COL9A2: variants seen among roughly 807,000 people sequenced by gnomAD.
COL9A2 encodes collagen type IX alpha 2 chain, also known as collagen alpha-2(IX) chain.
In COL9A2, 66 loss-of-function variants were observed where a neutral mutation model predicts 111.6. The ratio of observed to expected loss-of-function variants is 0.59; its 90% CI spans 0.48 to 0.73. The LOEUF (loss-of-function observed/expected upper bound fraction) is 0.73. COL9A2 is among the 30% of genes least tolerant of loss of function. The probability of loss-of-function intolerance (pLI) is 0.00; values close to 1 mark genes in which losing one functional copy is unlikely to be tolerated. For missense variants in COL9A2, 881 were observed against 954.1 expected (o/e 0.92, Z 1.01); for synonymous variants, 353 against 364.1 (o/e 0.97, Z 0.35).
rs1644040900 is a variant in COL9A2 at position 40,307,043 on chromosome 1, C to T, written c.1008+403G>A. Among the ~76,000 whole-genome samples the T allele has an allele frequency of 1.3e-5, 2 of 152,078 alleles. No individual in the cohort carries two copies. Among genetic ancestry groups the T allele is most frequent in the Non-Finnish European group, 2.9e-5 (2 of 68,016 alleles). ...TATTTTTAGTAGAGACGGGGTGTCA[C>T]CACATTGGCCAGGCTGGTTTTGAAC... is the stretch of plus-strand genomic sequence containing the variant. On this transcript the variant is annotated intron_variant, in intron 19 of 31. Coordinates refer to ENST00000372748, the MANE Select transcript of COL9A2 (RefSeq NM_001852.4). The surrounding 1 kb of genome is among the most constrained non-coding windows in gnomAD (Gnocchi z 4.8).
chr1:40,306,173 C>T lies in COL9A2; in HGVS notation c.1023G>A (p.Gln341=), dbSNP rs781695990. The T allele has an allele frequency of 2.4e-5, 38 of 1,614,240 alleles. No individual in the cohort carries two copies. Among genetic ancestry groups the T allele is most frequent in the Non-Finnish European group, 3.1e-5 (36 of 1,180,048 alleles). Residue 341 remains glutamine (Q), a synonymous_variant, in exon 20 of 32, where the codon CAG becomes CAA. Coordinates refer to ENST00000372748, the MANE Select transcript of COL9A2 (RefSeq NM_001852.4). The stretch of plus-strand genomic sequence containing the variant: ...CTCCAGGGCCTCCTTTTGTCCCAGG[C>T]TGGCCTGGCACACCCTGCAGAAAGA... The part of the protein sequence containing the change: ...GHQGLAGVPG[Q]PGTKGGPGDQ...
Position 40,304,078 on chromosome 1 carries a change from GC to G in COL9A2, c.1308del (p.Arg438AlafsTer93). ...CTGGAACTCACCACTTTGCCGCGGG[GC>G]CCGGTCTTCCCTGGGGAGCCCTGGA... ...KGDKGSPGKT[G>X]PRGKVGDPGV... On this transcript the variant is annotated frameshift_variant, in exon 25 of 32. Coordinates refer to ENST00000372748, the MANE Select transcript of COL9A2 (RefSeq NM_001852.4). LOFTEE classifies it high-confidence loss of function. 2 of 1,573,992 alleles carry G rather than the reference GC, an allele frequency of 1.3e-6. No homozygotes were observed. Among genetic ancestry groups the G allele is most frequent in the Non-Finnish European group, 1.7e-6 (2 of 1,161,020 alleles).
rs751520661 is a variant in COL9A2 at position 40,310,217 on chromosome 1, A to C, written c.738+47T>G. 15 of 1,613,000 alleles carry C rather than the reference A, an allele frequency of 9.3e-6. No homozygotes were observed. The highest frequency in any genetic ancestry group is 1.3e-5 in the Non-Finnish European group (15 of 1,179,044). On this transcript the variant is annotated intron_variant, in intron 14 of 31. Coordinates refer to ENST00000372748, the MANE Select transcript of COL9A2 (RefSeq NM_001852.4). The surrounding 1 kb of genome is among the most constrained non-coding windows in gnomAD (Gnocchi z 4.9). ...GTCCTGGCTGAACTCCAGGGGCCAG[A>C]AGGCAGCTCCTGGAAGCTCTTGTAG...
chr1:40,304,553 A>G (rs1257933291), intron 22 of COL9A2, 24 bp from the exon 23 acceptor site: 1 of 1,613,734 alleles, frequency 6.2e-7, no homozygotes, highest in Non-Finnish European at 8.5e-7. Context: ...AGAAGGTCAC[A>G]ACCTCAGCAG....
rs1411438540 is a variant in COL9A2 at position 40,303,649 on chromosome 1, G to A, written c.1429C>T (p.Pro477Ser). The A allele has an allele frequency of 1.9e-6, 3 of 1,582,114 alleles. No homozygotes were observed. Among genetic ancestry groups the A allele is most frequent in the African/African-American group, 2.7e-5 (2 of 74,068 alleles). Residue 477 changes from proline to serine, a missense_variant, in exon 28 of 32, where the codon CCT (proline) becomes TCT (serine). Physicochemically the swap from Pro to Ser is moderately conservative, Grantham distance 74. Transcript: ENST00000372748. This position sits in a 1 kb window ranked among gnomAD's most constrained non-coding sequence, Gnocchi z 4.6. ...GCGCCCGCATCCCCGCTGGGGCCAGGGTAGCCGGGTTCTCCACGTACTCCT... is the reference window on the plus strand; with the variant it reads ...GCGCCCGCATCCCCGCTGGGGCCAGAGTAGCCGGGTTCTCCACGTACTCCT... ...QQGVRGEPGY[P>S]GPSGDAGAPG...
At position 40,312,212 on chromosome 1, in the gene COL9A2, C is replaced by CTTTT. The variant is rs34036643; in HGVS notation, c.364-104_364-101dup. Reference sequence around the variant, plus strand: ...CCCAAAGCCCGTTTCTCCACTTTTACTTTTTTTTTTTTTTTGCCAACCCCA... The same window carrying CTTTT: ...CCCAAAGCCCGTTTCTCCACTTTTACTTTTTTTTTTTTTTTTTTTGCCAACCCCA... On this transcript the variant is annotated intron_variant, in intron 7 of 31. Coordinates refer to ENST00000372748, the MANE Select transcript of COL9A2 (RefSeq NM_001852.4). This position sits in a 1 kb window ranked among gnomAD's most constrained non-coding sequence, Gnocchi z 6.0. 20 of 926,848 alleles carry CTTTT rather than the reference C, an allele frequency of 2.2e-5. No individual in the cohort carries two copies. Among genetic ancestry groups the CTTTT allele is most frequent in the Non-Finnish European group, 2.7e-5 (17 of 619,046 alleles). 57.4% of individuals were successfully genotyped at this position (926,848 alleles called of 1,614,324 possible).
rs1307687386 is a variant in COL9A2 at position 40,303,063 on chromosome 1, C to A, written c.1603+68G>T. 1.4e-5 allele frequency: 21 copies of A among 1,507,746 alleles called. No individual in the cohort carries two copies. Among genetic ancestry groups the A allele is most frequent in the Admixed American group, 1.9e-5 (1 of 53,620 alleles). The allele number at this position is 1,507,746 out of a possible 1,614,324, so 93.4% of individuals were successfully genotyped here. A position where few individuals can be genotyped will look rare whatever the true frequency, so the allele number is the denominator to read the frequency against. ...TTTCAGACAAGTGAACACGTGGAGGCTCCGGGAGGGGGTGAGGGGGCGGCG... is the reference window on the plus strand; with the variant it reads ...TTTCAGACAAGTGAACACGTGGAGGATCCGGGAGGGGGTGAGGGGGCGGCG... On this transcript the variant is annotated intron_variant, in intron 29 of 31. Transcript: ENST00000372748. The surrounding 1 kb of genome is among the most constrained non-coding windows in gnomAD (Gnocchi z 4.6).
rs572104149 is a variant in COL9A2 at position 40,303,376 on chromosome 1, G to A, written c.1548+154C>T. Among the ~76,000 whole-genome samples, 1 of 152,236 alleles carries A rather than the reference G, an allele frequency of 6.6e-6. No homozygotes were observed. Among genetic ancestry groups the A allele is most frequent in the Admixed American group, 6.5e-5 (1 of 15,292 alleles). On this transcript the variant is annotated intron_variant, in intron 28 of 31. Coordinates refer to ENST00000372748, the MANE Select transcript of COL9A2 (RefSeq NM_001852.4). The surrounding 1 kb of genome is among the most constrained non-coding windows in gnomAD (Gnocchi z 4.6). ...GGAAGGTCGCGGGGTAATCCCTCAG[G>A]CTGCACTCACAGCCTTCCTGTCTGC...
intron 30 of COL9A2, 92 bp from the exon 31 acceptor site, chr1:40,301,981 G>C (rs1387734783): frequency 1.5e-6 from 2 of 1,302,034 alleles, no homozygotes; most frequent in Non-Finnish European, 2.2e-6. Flanking sequence ...AATTATTCCT[G>C]TTTTGTGCTA....
Position 40,307,836 on chromosome 1 carries a change from A to G in COL9A2, c.901-80T>C. On this transcript the variant is annotated intron_variant, in intron 17 of 31. Coordinates refer to ENST00000372748, the MANE Select transcript of COL9A2 (RefSeq NM_001852.4). This position sits in a 1 kb window ranked among gnomAD's most constrained non-coding sequence, Gnocchi z 4.8. ...GGCCACCCACCCCTGTTCCTCTGAGACAGCTGCAGTGTGCAGGGAGGGAGT... is the reference window on the plus strand; with the variant it reads ...GGCCACCCACCCCTGTTCCTCTGAGGCAGCTGCAGTGTGCAGGGAGGGAGT... The G allele has an allele frequency of 6.8e-7, 1 of 1,471,916 alleles. No homozygotes were observed. 91.2% of individuals were successfully genotyped at this position (1,471,916 alleles called of 1,614,324 possible).
chr1:40,312,213 T>TA lies in COL9A2; in HGVS notation c.364-102_364-101insT. ...CCAAAGCCCGTTTCTCCACTTTTAC[T>TA]TTTTTTTTTTTTTTGCCAACCCCAG... On this transcript the variant is annotated intron_variant, in intron 7 of 31. Coordinates refer to ENST00000372748, the MANE Select transcript of COL9A2 (RefSeq NM_001852.4). The surrounding 1 kb of genome is among the most constrained non-coding windows in gnomAD (Gnocchi z 6.0). 2 of 214,660 alleles carry TA rather than the reference T, an allele frequency of 9.3e-6. No homozygotes were observed. The highest frequency in any genetic ancestry group is 1.7e-4 in the Admixed American group (2 of 11,750). 13.3% of individuals were successfully genotyped at this position (214,660 alleles called of 1,614,324 possible).
At chr1:40,309,706 A>C (rs887254422) in intron 16 of COL9A2, among the ~76,000 whole-genome samples, 11 of 151,584 alleles carry the variant, frequency 7.3e-5, no homozygotes, top group African/African-American at 2.7e-4. Context: ...ATCCTCACAC[A>C]CTCACATACA....
chr1:40,317,038 G>T lies in COL9A2; in HGVS notation c.75+85C>A. The T allele has an allele frequency of 7.2e-7, 1 of 1,379,960 alleles. No homozygotes were observed. Among genetic ancestry groups the T allele is most frequent in the Non-Finnish European group, 1.0e-6 (1 of 991,124 alleles). 85.5% of individuals were successfully genotyped at this position (1,379,960 alleles called of 1,614,324 possible). On this transcript the variant is annotated intron_variant, in intron 1 of 31. Coordinates refer to ENST00000372748, the MANE Select transcript of COL9A2 (RefSeq NM_001852.4). The surrounding 1 kb of genome is among the most constrained non-coding windows in gnomAD (Gnocchi z 4.3). ...CCTCTCGGGCTAGGGGTGTCAGTAG[G>T]CGCGGGACACAGGCAGAGCTCCTCC...
At chr1:40,308,554 T>G (rs1644066797) in intron 16 of COL9A2, among the ~76,000 whole-genome samples, 1 of 152,234 alleles carries the variant, frequency 6.6e-6, no homozygotes, top group Non-Finnish European at 1.5e-5. Context: ...AACAACCGAA[T>G]GCAGTGTGTG....
At chr1:40,313,417 C>G (rs1644163150) in intron 4 of COL9A2, among the ~76,000 whole-genome samples, 1 of 152,208 alleles carries the variant, frequency 6.6e-6, no homozygotes, top group Admixed American at 6.5e-5. Context: ...AATCTGCCCA[C>G]CTCGGCCTCC....
In COL9A2 at chr1:40,302,525, G is replaced by T. The variant is rs1228781607; in HGVS notation, c.1792+96C>A. 2.9e-6 allele frequency: 4 copies of T among 1,364,594 alleles called. No individual in the cohort carries two copies. Among genetic ancestry groups the T allele is most frequent in the Non-Finnish European group, 4.0e-6 (4 of 990,274 alleles). 84.5% of individuals were successfully genotyped at this position (1,364,594 alleles called of 1,614,324 possible). A position where few individuals can be genotyped will look rare whatever the true frequency, so the allele number is the denominator to read the frequency against. On this transcript the variant is annotated intron_variant, in intron 30 of 31. Transcript: ENST00000372748. The surrounding 1 kb of genome is among the most constrained non-coding windows in gnomAD (Gnocchi z 4.5). ...CCATGTGGCTGAGGAACCGGGGAAG[G>T]GTCTGTATGTCATCCTGAGAAGGGA...
chr1:40,301,014 C>T lies in COL9A2; in HGVS notation c.*168G>A, dbSNP rs2124029396. The T allele has an allele frequency of 1.4e-6, 1 of 701,936 alleles. No individual in the cohort carries two copies. Among genetic ancestry groups the T allele is most frequent in the Non-Finnish European group, 2.4e-6 (1 of 413,766 alleles). The allele number at this position is 701,936 out of a possible 1,614,324, so 43.5% of individuals were successfully genotyped here. A position where few individuals can be genotyped will look rare whatever the true frequency, so the allele number is the denominator to read the frequency against. ...ACTTTTTCACCCATCAGTGCTCTAC[C>T]TCCCCTTCCCCCATGTTTTAGAATT... On this transcript the variant is annotated 3_prime_UTR_variant, in exon 32 of 32. Coordinates refer to ENST00000372748, the MANE Select transcript of COL9A2 (RefSeq NM_001852.4).
chr1:40,307,315 C>A lies in COL9A2; in HGVS notation c.1008+131G>T, dbSNP rs1042398083. On this transcript the variant is annotated intron_variant, in intron 19 of 31. Coordinates refer to ENST00000372748, the MANE Select transcript of COL9A2 (RefSeq NM_001852.4). The surrounding 1 kb of genome is among the most constrained non-coding windows in gnomAD (Gnocchi z 4.8). ...ATTGTCCAAGTAATGAAGCCTTCGC[C>A]AGGCCAGGGGCCACAGAGTTGGTAA... 6 of 887,116 alleles carry A rather than the reference C, an allele frequency of 6.8e-6. No individual in the cohort carries two copies. The highest frequency in any genetic ancestry group is 1.1e-5 in the Non-Finnish European group (6 of 548,782). The allele number at this position is 887,116 out of a possible 1,614,324, so 55.0% of individuals were successfully genotyped here. A position where few individuals can be genotyped will look rare whatever the true frequency, so the allele number is the denominator to read the frequency against.
At position 40,302,355 on chromosome 1, in the gene COL9A2, G is replaced by A. The variant is rs1403757186; in HGVS notation, c.1792+266C>T. Among the ~76,000 whole-genome samples, 1 of 152,112 alleles carries A rather than the reference G, an allele frequency of 6.6e-6. No homozygotes were observed. Among genetic ancestry groups the A allele is most frequent in the East Asian group, 1.9e-4 (1 of 5,194 alleles). On this transcript the variant is annotated intron_variant, in intron 30 of 31. Coordinates refer to ENST00000372748, the MANE Select transcript of COL9A2 (RefSeq NM_001852.4). The surrounding 1 kb of genome is among the most constrained non-coding windows in gnomAD (Gnocchi z 4.5). The stretch of plus-strand genomic sequence containing the variant: ...TGCTTTACTGCTCTGCTGGTCTGCC[G>A]CCCCATCTCTATTGACATGGAAAGA...
Sources: gnomAD v4.1 joint callset for allele counts (sites outside exome capture counted in the v4.1 genomes callset) on GRCh38, gnomAD v4.1.1 for gene constraint, Gnocchi (gnomAD v3.1) non-coding constraint, MANE v1.5 for transcripts, NCBI Gene and HGNC (gene_info 2026-07-23, HGNC 2026-07-21) for gene names.